SPOCK1: variants seen among roughly 807,000 people sequenced by gnomAD.
SPOCK1 encodes the protein SPARC (osteonectin), cwcv and kazal like domains proteoglycan 1, also known as testican-1.
Under a neutral mutation model 55.3 loss-of-function variants are expected in SPOCK1, and 23 were observed. The observed-to-expected ratio is 0.42, with a 90% confidence interval of 0.30 to 0.59. The LOEUF is 0.59. Among genes scored for constraint, SPOCK1 ranks in the 20% least tolerant of loss-of-function variants. The pLI is 0.22. For missense variants in SPOCK1, 499 were observed against 552.5 expected (o/e 0.90, Z 0.97); for synonymous variants, 226 against 221.0 (o/e 1.02, Z -0.20).
At chr5:137,424,789 C>A (rs2141482) in intron 2 of SPOCK1, among the ~76,000 whole-genome samples, 1 of 152,128 alleles carries the variant, frequency 6.6e-6, no homozygotes, top group Non-Finnish European at 1.5e-5. Context: ...AATTTATCTA[C>A]GGTGACAGAA....
chr5:137,026,530 C>T (rs942225931), intron 6 of SPOCK1, among the ~76,000 whole-genome samples: 6 of 152,246 alleles, frequency 3.9e-5, no homozygotes, highest in Admixed American at 2.0e-4. Context: ...CCAGCTCACC[C>T]TGCAGATGTT....
At chr5:137,266,042 C>G (rs1356273486) in intron 3 of SPOCK1, among the ~76,000 whole-genome samples, 9 of 152,072 alleles carry the variant, frequency 5.9e-5, no homozygotes, top group Non-Finnish European at 1.3e-4. Flanking sequence ...ATTTTAATAC[C>G]ATTTTTGCTT....
chr5:137,469,560 C>A (rs1487235466), intron 2 of SPOCK1, among the ~76,000 whole-genome samples: 1 of 152,088 alleles, frequency 6.6e-6, no homozygotes, highest in Non-Finnish European at 1.5e-5. Flanking sequence ...AAATAGGTTT[C>A]TTTAACTATA....
chr5:137,116,286 A>G (rs1270400727), intron 4 of SPOCK1, among the ~76,000 whole-genome samples: 1 of 152,184 alleles, frequency 6.6e-6, no homozygotes, highest in Admixed American at 6.5e-5. Flanking sequence ...TCCCAGCATT[A>G]TGTTTGTGAA....
chr5:137,440,966 A>T (rs1349169768), intron 2 of SPOCK1, among the ~76,000 whole-genome samples: 1 of 152,226 alleles, frequency 6.6e-6, no homozygotes, highest in Non-Finnish European at 1.5e-5. Context: ...CACTTATTAC[A>T]TGACTGTTGG....
At chr5:137,244,126 G>A (rs1350186571) in intron 3 of SPOCK1, among the ~76,000 whole-genome samples, 2 of 152,174 alleles carry the variant, frequency 1.3e-5, no homozygotes, top group Admixed American at 1.3e-4. Flanking sequence ...AGATGGTTTT[G>A]TATCATGTGT....
At chr5:137,121,345 A>G (rs1012843476) in intron 4 of SPOCK1, among the ~76,000 whole-genome samples, 1 of 152,038 alleles carries the variant, frequency 6.6e-6, no homozygotes, top group African/African-American at 2.4e-5. Flanking sequence ...CCAACAAAAT[A>G]TTTATGTGGC....
Position 137,032,816 on chromosome 5 carries a change from G to A in SPOCK1, c.589+34899C>T, listed in dbSNP as rs141784912. Among the ~76,000 whole-genome samples the A allele has an allele frequency of 2.3e-3, 344 of 152,306 alleles. 4 individuals are homozygous for A. Among genetic ancestry groups the A allele is most frequent in the African/African-American group, 7.2e-3 (300 of 41,568 alleles). On this transcript the variant is annotated intron_variant, in intron 6 of 10. Coordinates refer to ENST00000394945, the MANE Select transcript of SPOCK1 (RefSeq NM_004598.4). Reference sequence around the variant, plus strand: ...ATGAACTCAGAAGCATGGTGGTAACGAGGTGTTCAAGACAGGAGAGACCCT... The same window carrying A: ...ATGAACTCAGAAGCATGGTGGTAACAAGGTGTTCAAGACAGGAGAGACCCT...
chr5:137,172,954 A>G (rs1754781138), intron 3 of SPOCK1, among the ~76,000 whole-genome samples: 1 of 152,190 alleles, frequency 6.6e-6, no homozygotes, highest in South Asian at 2.1e-4. Flanking sequence ...ACCAGGACAC[A>G]AGTGATGCAC....
chr5:137,212,906 C>T (rs1274371999), intron 3 of SPOCK1, among the ~76,000 whole-genome samples: 1 of 152,154 alleles, frequency 6.6e-6, no homozygotes, highest in Admixed American at 6.5e-5. Flanking sequence ...GTAAACATAA[C>T]CCCAAGCTTA....
intron 3 of SPOCK1, among the ~76,000 whole-genome samples, chr5:137,187,781 A>C (rs1755103990): frequency 6.6e-6 from 1 of 152,212 alleles, no homozygotes; most frequent in Non-Finnish European, 1.5e-5. Context: ...AGCCTAAAAA[A>C]GAGAATGATA....
At chr5:136,995,701 TA>T in intron 6 of SPOCK1, among the ~76,000 whole-genome samples, 1 of 152,322 alleles carries the variant, frequency 6.6e-6, no homozygotes, top group Admixed American at 6.5e-5. Context: ...CGTGTTTAAC[TA>T]AACCCTGACA....
intron 2 of SPOCK1, among the ~76,000 whole-genome samples, chr5:137,295,837 G>C (rs1428202060): frequency 1.3e-5 from 2 of 152,170 alleles, no homozygotes; most frequent in Admixed American, 1.3e-4. Context: ...ATTTTACAGT[G>C]TTTTTCCTCA....
At chr5:137,305,896 A>T (rs1757694126) in intron 2 of SPOCK1, among the ~76,000 whole-genome samples, 1 of 152,214 alleles carries the variant, frequency 6.6e-6, no homozygotes, top group South Asian at 2.1e-4. Flanking sequence ...TTTGCATACG[A>T]TGTGCAAAAG....
chr5:137,130,185 T>C (rs1753847954), intron 4 of SPOCK1, among the ~76,000 whole-genome samples: 1 of 152,218 alleles, frequency 6.6e-6, no homozygotes, highest in Non-Finnish European at 1.5e-5. Flanking sequence ...AGGCCTTCAC[T>C]GTTCAACCAA....
chr5:137,320,411 C>T (rs1462375546), intron 2 of SPOCK1, among the ~76,000 whole-genome samples: 1 of 152,194 alleles, frequency 6.6e-6, no homozygotes, highest in East Asian at 1.9e-4. Flanking sequence ...AAGCACCCAA[C>T]TCATGGCTTC....
At chr5:137,486,638 T>C (rs1331634770) in intron 2 of SPOCK1, among the ~76,000 whole-genome samples, 2 of 152,192 alleles carry the variant, frequency 1.3e-5, no homozygotes, top group South Asian at 2.1e-4. Flanking sequence ...ATCTGGTTTC[T>C]AAAAAGGCAA....
intron 2 of SPOCK1, among the ~76,000 whole-genome samples, chr5:137,376,708 GT>G (rs200106050): frequency 6.6e-6 from 1 of 151,888 alleles, no homozygotes; most frequent in African/African-American, 2.4e-5. Flanking sequence ...TCAGGCTCTT[GT>G]TTTTTTTCTC....
At chr5:136,995,174 G>A (rs1580698817) in intron 6 of SPOCK1, among the ~76,000 whole-genome samples, 1 of 152,236 alleles carries the variant, frequency 6.6e-6, no homozygotes, top group Admixed American at 6.5e-5. Flanking sequence ...CGATCATTTT[G>A]GGCTAACTTT....
Sources: gnomAD v4.1 joint callset for allele counts (sites outside exome capture counted in the v4.1 genomes callset) on GRCh38, gnomAD v4.1.1 for gene constraint, MANE v1.5 for transcripts, NCBI Gene and HGNC (gene_info 2026-07-23, HGNC 2026-07-21) for gene names.